The following NRXN1 variants were observed in gnomAD, a reference collection of about 807,000 sequenced individuals.
NRXN1 encodes the protein neurexin 1, also known as neurexin-1.
In NRXN1, 39 loss-of-function variants were observed where a neutral mutation model predicts 150.9. That is an observed-to-expected ratio of 0.26 (90% CI 0.20 to 0.34). NRXN1 has a LOEUF of 0.34. Among genes scored for constraint, NRXN1 ranks in the 10% least tolerant of loss-of-function variants. The pLI is 1.00. For synonymous variants in NRXN1, 924 were observed against 757.0 expected (o/e 1.22, Z -3.62); for missense variants, 1,815 against 1,949.9 (o/e 0.93, Z 1.30).
chr2:50,308,340 C>G (rs1217438), intron 17 of NRXN1, among the ~76,000 whole-genome samples: 1 of 151,352 alleles, frequency 6.6e-6, no homozygotes, highest in African/African-American at 2.4e-5. Context: ...TTATTTTTTA[C>G]GTTTTTAGAG....
chr2:50,216,642 T>TA (rs976222141), intron 18 of NRXN1, among the ~76,000 whole-genome samples: 119 of 149,914 alleles, frequency 7.9e-4, no homozygotes, highest in African/African-American at 2.3e-3. Flanking sequence ...AGCCATTATT[T>TA]AAAAAAAAAA....
chr2:50,480,062 C>G (rs961986682), intron 15 of NRXN1, among the ~76,000 whole-genome samples: 5 of 152,176 alleles, frequency 3.3e-5, no homozygotes, highest in Non-Finnish European at 7.3e-5. Flanking sequence ...CGTAAGCCAC[C>G]ATGCCCGGCC....
At chr2:50,091,719 A>G (rs1699607096) in intron 18 of NRXN1, among the ~76,000 whole-genome samples, 1 of 152,196 alleles carries the variant, frequency 6.6e-6, no homozygotes, top group Non-Finnish European at 1.5e-5. Flanking sequence ...CACACTTTCA[A>G]GGGAATTGAG....
intron 17 of NRXN1, among the ~76,000 whole-genome samples, chr2:50,359,358 T>C (rs965547144): frequency 2.6e-5 from 4 of 151,136 alleles, no homozygotes; most frequent in Non-Finnish European, 5.9e-5. Flanking sequence ...CTAAGAACCT[T>C]GAAAAAAAGG....
chr2:50,708,600 T>A (rs926479675), intron 5 of NRXN1, among the ~76,000 whole-genome samples: 7 of 152,086 alleles, frequency 4.6e-5, no homozygotes, highest in Non-Finnish European at 8.8e-5. Context: ...GGTACCTAAG[T>A]TACACAGAGG....
chr2:50,549,768 G>A (rs188076315), intron 9 of NRXN1, among the ~76,000 whole-genome samples: 1 of 152,200 alleles, frequency 6.6e-6, no homozygotes, highest in Admixed American at 6.5e-5. Flanking sequence ...GAAGATTAAA[G>A]TATTTATCTG....
intron 21 of NRXN1, among the ~76,000 whole-genome samples, chr2:50,052,770 C>A (rs1692926819): frequency 6.7e-6 from 1 of 149,932 alleles, no homozygotes; most frequent in Non-Finnish European, 1.5e-5. Flanking sequence ...AAAGAGTATA[C>A]CCATCATTCA....
intron 2 of NRXN1, among the ~76,000 whole-genome samples, chr2:50,992,224 T>C (rs905839995): frequency 3.1e-4 from 47 of 152,174 alleles, no homozygotes; most frequent in African/African-American, 9.6e-4. Context: ...AAATTTTGCA[T>C]GTGTTCTCTT....
intron 8 of NRXN1, among the ~76,000 whole-genome samples, chr2:50,611,748 T>C (rs1678166305): frequency 6.6e-6 from 1 of 152,182 alleles, no homozygotes; most frequent in African/African-American, 2.4e-5. Flanking sequence ...ATTATCTTAG[T>C]TTGCCTTAAG....
At chr2:50,201,626 G>T (rs1454549643) in intron 18 of NRXN1, among the ~76,000 whole-genome samples, 1 of 152,186 alleles carries the variant, frequency 6.6e-6, no homozygotes, top group Admixed American at 6.5e-5. Flanking sequence ...AAAAGAAGGT[G>T]TACTGGTTAT....
At chr2:50,463,380 A>G (rs1039565651) in intron 17 of NRXN1, among the ~76,000 whole-genome samples, 3 of 151,812 alleles carry the variant, frequency 2.0e-5, no homozygotes, top group African/African-American at 7.2e-5. Flanking sequence ...TGAAACTCCA[A>G]CGTATAAGCC....
At chr2:50,965,974 C>T (rs1481646029) in intron 2 of NRXN1, among the ~76,000 whole-genome samples, 2 of 151,502 alleles carry the variant, frequency 1.3e-5, no homozygotes, top group East Asian at 1.9e-4. Flanking sequence ...TGCCTTCTCT[C>T]ACCATAGATT....
At chr2:49,957,359 T>C (rs1481672198) in intron 21 of NRXN1, among the ~76,000 whole-genome samples, 1 of 152,160 alleles carries the variant, frequency 6.6e-6, no homozygotes, top group Non-Finnish European at 1.5e-5. Flanking sequence ...CATGAATATT[T>C]ATTACATAGA....
chr2:50,191,253 T>C (rs931904641), intron 18 of NRXN1, among the ~76,000 whole-genome samples: 3 of 151,472 alleles, frequency 2.0e-5, no homozygotes, highest in Non-Finnish European at 4.4e-5. Flanking sequence ...TTGGCCAGGC[T>C]GATCTCTAAC....
At chr2:50,034,056 A>C (rs960192978) in intron 21 of NRXN1, among the ~76,000 whole-genome samples, 1 of 152,028 alleles carries the variant, frequency 6.6e-6, no homozygotes, top group African/African-American at 2.4e-5. Flanking sequence ...AGTGTAAATT[A>C]GTTCAACCAT....
chr2:50,555,463 G>C (rs979530642), intron 8 of NRXN1, among the ~76,000 whole-genome samples: 1 of 152,064 alleles, frequency 6.6e-6, no homozygotes, highest in Non-Finnish European at 1.5e-5. Context: ...AATAGAAGTA[G>C]GGATAATTCC....
chr2:50,335,029 G>C (rs1452633298), intron 17 of NRXN1, among the ~76,000 whole-genome samples: 1 of 152,080 alleles, frequency 6.6e-6, no homozygotes, highest in Non-Finnish European at 1.5e-5. Flanking sequence ...CAGTTCCAAA[G>C]TATATATATC....
chr2:50,029,354 A>T (rs1303324863), intron 21 of NRXN1, among the ~76,000 whole-genome samples: 1 of 152,194 alleles, frequency 6.6e-6, no homozygotes, highest in Non-Finnish European at 1.5e-5. Context: ...ACAGTGAAGC[A>T]GTCACTACGG....
At chr2:50,072,054 C>T (rs1298839414) in intron 19 of NRXN1, among the ~76,000 whole-genome samples, 1 of 152,156 alleles carries the variant, frequency 6.6e-6, no homozygotes, top group Non-Finnish European at 1.5e-5. Flanking sequence ...ATGAAATATA[C>T]ATGATTATAT....
Sources: gnomAD v4.1 joint callset for allele counts (sites outside exome capture counted in the v4.1 genomes callset) on GRCh38, gnomAD v4.1.1 for gene constraint, MANE v1.5 for transcripts, NCBI Gene and HGNC (gene_info 2026-07-23, HGNC 2026-07-21) for gene names.